The following MBP variants were observed in gnomAD, a reference collection of about 807,000 sequenced individuals.
MBP encodes the protein myelin basic protein, also known as Golli-MBP.
MBP carries 16 observed loss-of-function variants against 35.8 expected under a neutral mutation model. That is an observed-to-expected ratio of 0.45 (90% CI 0.30 to 0.68). The LOEUF is 0.68. Among genes scored for constraint, MBP ranks in the 30% least tolerant of loss-of-function variants. The probability of loss-of-function intolerance (pLI) is 0.08; values close to 1 mark genes in which losing one functional copy is unlikely to be tolerated. For synonymous variants in MBP, 143 were observed against 159.6 expected, an observed-to-expected ratio of 0.90 and a Z score of 0.78; for missense variants, 380 against 404.7, an observed-to-expected ratio of 0.94 and a Z score of 0.52.
intron 3 of MBP, among the ~76,000 whole-genome samples, chr18:77,041,942 G>A (rs1413745721): frequency 1.4e-5 from 2 of 140,128 alleles, no homozygotes; most frequent in Non-Finnish European, 3.0e-5. Context: ...AAAAAAAAAA[G>A]AATGGTCCAT....
intron 2 of MBP, among the ~76,000 whole-genome samples, chr18:77,075,431 C>T (rs550048445): frequency 4.8e-4 from 73 of 152,300 alleles, no homozygotes; most frequent in African/African-American, 1.6e-3. Flanking sequence ...GCCTAGAGAA[C>T]GCCTGACACG....
At chr18:77,054,091 C>T (rs1191639705) in intron 3 of MBP, among the ~76,000 whole-genome samples, 1 of 152,218 alleles carries the variant, frequency 6.6e-6, no homozygotes, top group African/African-American at 2.4e-5. Flanking sequence ...CTTGGGCTGT[C>T]CTCCCGGTCC....
At chr18:77,091,999 C>T (rs902555366) in intron 2 of MBP, among the ~76,000 whole-genome samples, 4 of 152,216 alleles carry the variant, frequency 2.6e-5, no homozygotes, top group Non-Finnish European at 4.4e-5. Context: ...GAACATCATT[C>T]TGAAAGCTGG....
At chr18:77,002,806 T>G (rs1214444422) in intron 4 of MBP, 1 of 152,192 alleles carries the variant, frequency 6.6e-6, no homozygotes, top group Non-Finnish European at 1.5e-5. Context: ...GGAAATTCAC[T>G]GGCTAGTCAT....
At chr18:76,991,375 T>A (rs1969904663) in intron 4 of MBP, among the ~76,000 whole-genome samples, 1 of 151,922 alleles carries the variant, frequency 6.6e-6, no homozygotes, top group African/African-American at 2.4e-5. Flanking sequence ...GGAAAAGCCA[T>A]GAGCGCCCGG....
At chr18:77,002,189 C>T (rs1283228841) in intron 4 of MBP, among the ~76,000 whole-genome samples, 1 of 152,150 alleles carries the variant, frequency 6.6e-6, no homozygotes, top group Middle Eastern at 3.2e-3. Context: ...ATGGTGCGTT[C>T]TCATGGAGGC....
Position 76,990,077 on chromosome 18 carries a change from C to T in MBP, c.577-17G>A, listed in dbSNP as rs1469134340. 3.2e-6 allele frequency: 5 copies of T among 1,577,382 alleles called. 1 individual carries two copies. In the South Asian group the frequency reaches 5.6e-5, roughly 18 times the overall value. On this transcript the variant is annotated splice_polypyrimidine_tract_variant and intron_variant, in intron 4 of 8. Transcript: ENST00000355994. ...GTGTGAGTCCTGAAACACAGAGGCG[C>T]GGTGACCTCAGGACAAGTCCACAGT...
intron 3 of MBP, among the ~76,000 whole-genome samples, chr18:77,031,299 A>G (rs1972532555): frequency 6.6e-6 from 1 of 152,204 alleles, no homozygotes; most frequent in African/African-American, 2.4e-5. Context: ...CAGATGCCAG[A>G]CAGACCCCCG....
chr18:77,002,206 G>A (rs1257813762), intron 4 of MBP, among the ~76,000 whole-genome samples: 9 of 152,160 alleles, frequency 5.9e-5, no homozygotes, highest in African/African-American at 1.7e-4. Context: ...AGGCAACCAC[G>A]GCAGGGTCCC....
intron 2 of MBP, among the ~76,000 whole-genome samples, chr18:77,088,143 CT>C (rs1444868168): frequency 6.6e-6 from 1 of 152,214 alleles, no homozygotes; most frequent in African/African-American, 2.4e-5. Flanking sequence ...TCTTCGAGTG[CT>C]GGGGCCTCAA....
intron 2 of MBP, among the ~76,000 whole-genome samples, chr18:77,090,689 G>A (rs962162249): frequency 1.3e-5 from 2 of 152,074 alleles, no homozygotes; most frequent in African/African-American, 2.4e-5. Flanking sequence ...CCCGGCTCTC[G>A]GGCTTTCCTT....
At chr18:77,024,646 C>T (rs1037017407) in intron 3 of MBP, among the ~76,000 whole-genome samples, 9 of 152,214 alleles carry the variant, frequency 5.9e-5, no homozygotes, top group East Asian at 3.8e-4. Flanking sequence ...AGCATGTGGG[C>T]GACGGAGAAT....
intron 3 of MBP, among the ~76,000 whole-genome samples, chr18:77,063,009 C>T (rs1013464088): frequency 4.6e-5 from 7 of 152,162 alleles, no homozygotes; most frequent in African/African-American, 1.4e-4. Context: ...ATCACGGTGA[C>T]TTGTGCTCAC....
chr18:77,025,386 G>A (rs775135761), intron 3 of MBP, among the ~76,000 whole-genome samples: 1 of 152,164 alleles, frequency 6.6e-6, no homozygotes, highest in Non-Finnish European at 1.5e-5. Flanking sequence ...CAGGGCCCCC[G>A]CCTGCAGCCA....
At chr18:77,008,441 G>A (rs751844797) in intron 4 of MBP, among the ~76,000 whole-genome samples, 13 of 152,154 alleles carry the variant, frequency 8.5e-5, no homozygotes, top group African/African-American at 2.7e-4. Context: ...AACCAAGTGC[G>A]GCTTCACAAC....
chr18:77,083,156 AG>A (rs1394073347), intron 2 of MBP, among the ~76,000 whole-genome samples: 7 of 152,070 alleles, frequency 4.6e-5, no homozygotes, highest in Non-Finnish European at 7.4e-5. Context: ...TAGTAAAAAC[AG>A]GGTTTTGCCA....
chr18:77,074,141 T>C (rs1319198196), intron 2 of MBP, among the ~76,000 whole-genome samples: 1 of 152,148 alleles, frequency 6.6e-6, no homozygotes, highest in Non-Finnish European at 1.5e-5. Flanking sequence ...AGCCCCTCAG[T>C]CTGGGGGTCC....
chr18:77,070,825 T>G (rs1232571139), intron 2 of MBP, among the ~76,000 whole-genome samples: 1 of 152,168 alleles, frequency 6.6e-6, no homozygotes, highest in Non-Finnish European at 1.5e-5. Context: ...AAGGATGGCA[T>G]GGAGTCAAAC....
intron 4 of MBP, among the ~76,000 whole-genome samples, chr18:77,007,065 C>T (rs1050973711): frequency 1.3e-5 from 2 of 152,178 alleles, no homozygotes; most frequent in Non-Finnish European, 2.9e-5. Context: ...CACTGCTCAG[C>T]CTGAGCCTTC....
Sources: gnomAD v4.1 joint callset for allele counts (sites outside exome capture counted in the v4.1 genomes callset) on GRCh38, gnomAD v4.1.1 for gene constraint, MANE v1.5 for transcripts, NCBI Gene and HGNC (gene_info 2026-07-23, HGNC 2026-07-21) for gene names.